Variants in BCAS3 observed in about 807,000 individuals in gnomAD.
The protein encoded by BCAS3 is BCAS3 microtubule associated cell migration factor, also known as BCAS4/BCAS3 fusion.
In BCAS3, 53 loss-of-function variants were observed where a neutral mutation model predicts 116.1. The observed-to-expected ratio is 0.46, with a 90% confidence interval of 0.37 to 0.57. The LOEUF is 0.57. Among genes scored for constraint, BCAS3 ranks in the 20% least tolerant of loss-of-function variants. The pLI, the probability that BCAS3 is intolerant of heterozygous loss-of-function variation, is 0.00. For missense variants in BCAS3, 917 were observed against 1,165.4 expected (o/e 0.79, Z 3.10); for synonymous variants, 391 against 408.2 (o/e 0.96, Z 0.51).
rs2064552590 is a variant in BCAS3 at position 61,004,999 on chromosome 17, A to G, written c.1487-10752A>G. Among the ~76,000 whole-genome samples the G allele has an allele frequency of 6.6e-6, 1 of 152,198 alleles. No individual in the cohort carries two copies. The highest frequency in any genetic ancestry group is 1.9e-4 in the East Asian group (1 of 5,198). ...TAAAACCATAGATGAGGGAAAAAAT[A>G]CCATGACAGTACTCATAAATGAATA... On this transcript the variant is annotated intron_variant, in intron 15 of 23. Transcript: ENST00000407086. This position sits in a 1 kb window ranked among gnomAD's most constrained non-coding sequence, Gnocchi z 4.8.
intron 22 of BCAS3, chr17:61,086,747 A>G (rs2073123202): frequency 3.0e-6 from 3 of 985,322 alleles, no homozygotes; most frequent in South Asian, 9.4e-5. Flanking sequence ...AAGACAACCA[A>G]AACAGTGAAA....
At chr17:61,299,608 A>G (rs1431986682) in intron 22 of BCAS3, among the ~76,000 whole-genome samples, 1 of 152,264 alleles carries the variant, frequency 6.6e-6, no homozygotes, top group Non-Finnish European at 1.5e-5. Flanking sequence ...TTGTGCTATT[A>G]GTGTGGGGCA....
rs1269902347 is a variant in BCAS3 at position 60,993,186 on chromosome 17, A to G, written c.1486+2951A>G. 6.6e-6 allele frequency among the ~76,000 whole-genome samples: 1 copy of G among 152,238 alleles called. No individual in the cohort carries two copies. On this transcript the variant is annotated intron_variant, in intron 15 of 23. Transcript: ENST00000407086. The surrounding 1 kb of genome is among the most constrained non-coding windows in gnomAD (Gnocchi z 4.2). ...GATCTTGTATTCCACGGGAAAAGAC[A>G]GATATTAAATGACTGTGAACAAATA...
intron 22 of BCAS3, among the ~76,000 whole-genome samples, chr17:61,100,239 C>T: frequency 6.6e-6 from 1 of 152,168 alleles, no homozygotes; most frequent in Non-Finnish European, 1.5e-5. Flanking sequence ...CCCATTTACT[C>T]TTCTGTTTCT....
At chr17:61,092,802 C>T (rs897068342) in intron 22 of BCAS3, among the ~76,000 whole-genome samples, 8 of 151,300 alleles carry the variant, frequency 5.3e-5, no homozygotes, top group Non-Finnish European at 1.0e-4. Context: ...ATTGCGTTTT[C>T]ACTTTCTTAA....
At chr17:60,902,597 TTC>T (rs1305799142) in intron 10 of BCAS3, 21 bp from the exon 11 acceptor site, 1,057 of 1,534,220 alleles carry the variant, frequency 6.9e-4, no homozygotes, top group Non-Finnish European at 7.8e-4. Flanking sequence ...GACGTTCTGC[TTC>T]TCTCTCTCTC....
intron 22 of BCAS3, among the ~76,000 whole-genome samples, chr17:61,255,668 C>T (rs1370450221): frequency 1.3e-5 from 2 of 152,206 alleles, no homozygotes; most frequent in African/African-American, 4.8e-5. Context: ...GACACTTCTC[C>T]ATCAGAATTC....
intron 17 of BCAS3, chr17:61,036,071 T>C (rs1019753755): frequency 6.6e-6 from 1 of 152,242 alleles, no homozygotes; most frequent in African/African-American, 2.4e-5. Flanking sequence ...CTAAAATGTT[T>C]ATAGGATTAG....
In BCAS3 at chr17:61,364,633, A is replaced by G. The variant is rs190464593; in HGVS notation, c.2426-3694A>G. On this transcript the variant is annotated intron_variant, in intron 22 of 23. Coordinates refer to ENST00000407086, the MANE Select transcript of BCAS3 (RefSeq NM_017679.5). This position sits in a 1 kb window ranked among gnomAD's most constrained non-coding sequence, Gnocchi z 5.4. ...TGAGGTGGAAGGATCTCTTCAGCCC[A>G]GGAGGCTGTGGCTGCAGTGAGCCGT... Among the ~76,000 whole-genome samples, 311 of 152,332 alleles carry G rather than the reference A, an allele frequency of 2.0e-3. 1 individual carries two copies. The highest frequency in any genetic ancestry group is 3.4e-3 in the Middle Eastern group (1 of 294).
At chr17:60,989,483 T>G (rs565117040) in intron 14 of BCAS3, among the ~76,000 whole-genome samples, 22 of 152,010 alleles carry the variant, frequency 1.4e-4, no homozygotes, top group African/African-American at 1.9e-4. Flanking sequence ...AAAGTTGTTT[T>G]TTTTTTTTTT....
intron 7 of BCAS3, chr17:60,810,337 A>C (rs921035557): frequency 4.5e-6 from 2 of 446,848 alleles, no homozygotes; most frequent in African/African-American, 4.1e-5. Context: ...CTGGGGTGGC[A>C]TGGGGTCCAG....
At chr17:61,071,682 A>G (rs1292737226) in intron 19 of BCAS3, among the ~76,000 whole-genome samples, 1 of 152,228 alleles carries the variant, frequency 6.6e-6, no homozygotes, top group African/African-American at 2.4e-5. Context: ...AGAGAATCCA[A>G]TACTAAATAT....
chr17:61,003,372 GCCCTC>G (rs748637308), intron 15 of BCAS3, among the ~76,000 whole-genome samples: 5,396 of 118,066 alleles, frequency 0.046, 597 homozygotes, highest in African/African-American at 0.16. Context: ...CTTTTATTAT[GCCCTC>G]CCCTCCCCTC....
chr17:60,770,851 T>G (rs947136315), intron 6 of BCAS3, among the ~76,000 whole-genome samples: 3 of 134,696 alleles, frequency 2.2e-5, no homozygotes, highest in Non-Finnish European at 3.3e-5. Context: ...TTTTTTTTTT[T>G]TTTTTTTTTT....
At chr17:60,896,853 GT>G (rs1476421856) in intron 10 of BCAS3, among the ~76,000 whole-genome samples, 5 of 151,970 alleles carry the variant, frequency 3.3e-5, no homozygotes, top group African/African-American at 1.2e-4. Context: ...GTGAGACTTT[GT>G]TCTTATATTG....
intron 5 of BCAS3, among the ~76,000 whole-genome samples, chr17:60,743,872 C>T (rs750336279): frequency 1.1e-4 from 17 of 152,096 alleles, no homozygotes; most frequent in Admixed American, 3.9e-4. Context: ...CTTGTACTAC[C>T]CCCACCCCTT....
chr17:61,262,484 G>A (rs558066343), intron 22 of BCAS3, among the ~76,000 whole-genome samples: 3 of 151,734 alleles, frequency 2.0e-5, no homozygotes, highest in Non-Finnish European at 4.4e-5. Flanking sequence ...GGATTCAAGC[G>A]ATTCTCCTGC....
intron 22 of BCAS3, among the ~76,000 whole-genome samples, chr17:61,100,991 A>G (rs2074292485): frequency 6.6e-6 from 1 of 152,102 alleles, no homozygotes; most frequent in South Asian, 2.1e-4. Context: ...TTTTTCCCGG[A>G]CCTTGAACAG....
intron 20 of BCAS3, among the ~76,000 whole-genome samples, chr17:61,075,246 C>A (rs1242194436): frequency 6.6e-6 from 1 of 151,988 alleles, no homozygotes; most frequent in Non-Finnish European, 1.5e-5. Flanking sequence ...ATGTTAGCTT[C>A]CATAAACATG....
Sources: allele counts gnomAD v4.1 joint callset (sites outside exome capture counted in the v4.1 genomes callset), GRCh38; gene constraint gnomAD v4.1.1; non-coding constraint Gnocchi (gnomAD v3.1); transcripts MANE v1.5; gene names NCBI Gene and HGNC (gene_info 2026-07-23, HGNC 2026-07-21).